SLCO1B3: variants seen among roughly 807,000 people sequenced by gnomAD.
SLCO1B3 encodes solute carrier organic anion transporter family member 1B3.
Under a neutral mutation model 71.8 loss-of-function variants are expected in SLCO1B3, and 72 were observed. The observed-to-expected ratio is 1.00, with a 90% confidence interval of 0.83 to 1.22. The LOEUF is 1.22. SLCO1B3 is among the 50% of genes most tolerant of loss of function. The pLI, the probability that SLCO1B3 is intolerant of heterozygous loss-of-function variation, is 0.00. For missense variants in SLCO1B3, 911 were observed against 819.7 expected, an observed-to-expected ratio of 1.11 and a Z score of -1.36; for synonymous variants, 298 against 278.4, an observed-to-expected ratio of 1.07 and a Z score of -0.70.
chr12:20,818,503 G>A (rs905778610), intron 3 of SLCO1B3, among the ~76,000 whole-genome samples: 6 of 152,096 alleles, frequency 3.9e-5, no homozygotes, highest in Non-Finnish European at 5.9e-5. Context: ...TTTGGGACTC[G>A]GGGTATGTTG....
intron 12 of SLCO1B3, among the ~76,000 whole-genome samples, chr12:20,882,310 G>C (rs879836655): frequency 2.6e-5 from 4 of 152,146 alleles, no homozygotes; most frequent in Non-Finnish European, 5.9e-5. Context: ...TGGCCAATGT[G>C]CTTGCTCCAT....
rs754816901 is a variant in SLCO1B3, at chr12:20,916,267, G to A, written c.*20G>A. The A allele has an allele frequency of 1.2e-6, 2 of 1,604,156 alleles. No individual in the cohort carries two copies. The highest frequency in any genetic ancestry group is 1.1e-5 in the South Asian group (1 of 90,218). On this transcript the variant is annotated 3_prime_UTR_variant, in exon 16 of 16. Coordinates refer to ENST00000381545, the MANE Select transcript of SLCO1B3 (RefSeq NM_019844.4). ...AACTAACATTGCATTGATTCATTAAGATGTTATTTTTGAGGTGTTCCTGGT... is the reference window on the plus strand; with the variant it reads ...AACTAACATTGCATTGATTCATTAAAATGTTATTTTTGAGGTGTTCCTGGT...
intron 8 of SLCO1B3, among the ~76,000 whole-genome samples, chr12:20,869,295 C>T (rs1026489618): frequency 1.3e-5 from 2 of 152,214 alleles, no homozygotes; most frequent in Admixed American, 1.3e-4. Context: ...CCTGTGTGGG[C>T]ATAACAGAAG....
chr12:20,821,640 A>G (rs1413115575), intron 3 of SLCO1B3, among the ~76,000 whole-genome samples: 10 of 152,010 alleles, frequency 6.6e-5, no homozygotes, highest in African/African-American at 2.4e-4. Context: ...GTTGAGGGGT[A>G]CTTGCCCCTC....
intron 3 of SLCO1B3, among the ~76,000 whole-genome samples, chr12:20,840,476 C>T (rs1333456783): frequency 6.6e-6 from 1 of 151,376 alleles, no homozygotes; most frequent in African/African-American, 2.4e-5. Context: ...ACTACAGCCT[C>T]TCCCTCCCTG....
intron 3 of SLCO1B3, among the ~76,000 whole-genome samples, chr12:20,851,811 C>A (rs1865029266): frequency 2.9e-4 from 1 of 3,466 alleles, no homozygotes; most frequent in Middle Eastern, 0.17. Flanking sequence ...GCATTTAATC[C>A]CATTTTGAGT....
At chr12:20,866,093 T>A (rs369748658) in intron 8 of SLCO1B3, among the ~76,000 whole-genome samples, 31 of 152,274 alleles carry the variant, frequency 2.0e-4, no homozygotes, top group African/African-American at 5.5e-4. Context: ...TGTTAAGTGC[T>A]GTAACATCAA....
At chr12:20,867,420 T>A (rs1385331439) in intron 8 of SLCO1B3, among the ~76,000 whole-genome samples, 1 of 151,334 alleles carries the variant, frequency 6.6e-6, no homozygotes, top group Non-Finnish European at 1.5e-5. Flanking sequence ...ATGAAGAGAT[T>A]GTGGATATGG....
chr12:20,891,578 C>A (rs974306772), intron 13 of SLCO1B3, among the ~76,000 whole-genome samples: 1 of 152,062 alleles, frequency 6.6e-6, no homozygotes, highest in African/African-American at 2.4e-5. Flanking sequence ...TGTAGTAAGT[C>A]AGGGAAGTTT....
rs1387108780 is a variant in SLCO1B3 at position 20,901,485 on chromosome 12, CAT to C, written c.1865+19_1865+20del. ...TTTTTTGGGTAAGTTGTCGTAAACA[CAT>C]TTCATTAATAGATTTTTTCTTTGTC... On this transcript the variant is annotated intron_variant, in intron 15 of 15. Transcript: ENST00000381545. The C allele has an allele frequency of 7.9e-7, 1 of 1,270,482 alleles. No individual in the cohort carries two copies. The highest frequency in any genetic ancestry group is 2.5e-5 in the East Asian group (1 of 40,040). 78.7% of individuals were successfully genotyped at this position (1,270,482 alleles called of 1,614,324 possible).
chr12:20,913,842 C>T (rs1866437429), intron 15 of SLCO1B3, among the ~76,000 whole-genome samples: 1 of 152,186 alleles, frequency 6.6e-6, no homozygotes, highest in Non-Finnish European at 1.5e-5. Flanking sequence ...GCCTCAACCT[C>T]CTGGGCTCAA....
intron 1 of SLCO1B3, among the ~76,000 whole-genome samples, chr12:20,811,175 G>A (rs931898197): frequency 6.6e-6 from 1 of 152,136 alleles, no homozygotes; most frequent in Non-Finnish European, 1.5e-5. Flanking sequence ...AACTGGATAA[G>A]TAGGAGTGGG....
intron 13 of SLCO1B3, among the ~76,000 whole-genome samples, chr12:20,884,434 A>T (rs1173162374): frequency 6.6e-6 from 1 of 152,174 alleles, no homozygotes; most frequent in Non-Finnish European, 1.5e-5. Context: ...AGAAAAAGCC[A>T]AATGAAGGGC....
In SLCO1B3 at chr12:20,916,404, C is replaced by G. The variant is rs552798414; in HGVS notation, c.*157C>G. The G allele has an allele frequency of 1.3e-4, 82 of 607,966 alleles. No homozygotes were observed. The highest frequency in any genetic ancestry group is 2.1e-4 in the Non-Finnish European group (74 of 357,232). 37.7% of individuals were successfully genotyped at this position (607,966 alleles called of 1,614,324 possible). ...TACCCATGGTTAGGATATAGCTATG[C>G]CTTTATGGTTAAGATTAGAATATAT... On this transcript the variant is annotated 3_prime_UTR_variant, in exon 16 of 16. Coordinates refer to ENST00000381545, the MANE Select transcript of SLCO1B3 (RefSeq NM_019844.4).
intron 15 of SLCO1B3, among the ~76,000 whole-genome samples, chr12:20,913,052 A>G (rs571709004): frequency 1.3e-5 from 2 of 152,160 alleles, no homozygotes; most frequent in African/African-American, 4.8e-5. Context: ...GCTTGGGAAG[A>G]CTTTGTAGTC....
chr12:20,897,949 T>G (rs1422335696), intron 13 of SLCO1B3, among the ~76,000 whole-genome samples: 1 of 152,178 alleles, frequency 6.6e-6, no homozygotes, highest in Non-Finnish European at 1.5e-5. Context: ...ACAGAAAAGT[T>G]TTTTGACCCT....
intron 3 of SLCO1B3, among the ~76,000 whole-genome samples, chr12:20,823,110 A>G (rs1195708866): frequency 6.6e-6 from 1 of 152,216 alleles, no homozygotes; most frequent in Non-Finnish European, 1.5e-5. Flanking sequence ...AACACACAGT[A>G]GAAGGAACAA....
chr12:20,819,364 T>G (rs1354458885), intron 3 of SLCO1B3, among the ~76,000 whole-genome samples: 2 of 152,110 alleles, frequency 1.3e-5, no homozygotes, highest in African/African-American at 4.8e-5. Context: ...AGTAATGGGG[T>G]CTGTCTGTGA....
Position 20,898,470 on chromosome 12 carries a change from G to T in SLCO1B3, c.1717G>T (p.Gly573Cys). Reference sequence around the variant, plus strand: ...ACCTGAATTGAAAGCACTTGCAATGGGTTTCCAGTCAATGGTTATAAGAAC... The same window carrying T: ...ACCTGAATTGAAAGCACTTGCAATGTGTTTCCAGTCAATGGTTATAAGAAC... ...VQPELKALAM[G>C]FQSMVIRTLG... The change falls in exon 14 of 16, where the codon GGT becomes TGT. Residue 573 changes from glycine (G) to cysteine (C), a missense_variant. By Grantham distance (159) the Gly-to-Cys change is radical. Coordinates refer to ENST00000381545, the MANE Select transcript of SLCO1B3 (RefSeq NM_019844.4). The T allele has an allele frequency of 6.3e-7, 1 of 1,596,076 alleles. No individual in the cohort carries two copies.
Sources: allele counts gnomAD v4.1 joint callset (sites outside exome capture counted in the v4.1 genomes callset), GRCh38; gene constraint gnomAD v4.1.1; transcripts MANE v1.5; gene names NCBI Gene and HGNC (gene_info 2026-07-23, HGNC 2026-07-21).